The following GNB4 variants were observed in gnomAD, a reference collection of about 807,000 sequenced individuals.
The protein encoded by GNB4 is G protein subunit beta 4.
In GNB4, 28 loss-of-function variants were observed where a neutral mutation model predicts 45.2. The ratio of observed to expected loss-of-function variants is 0.62; its 90% CI spans 0.46 to 0.85. The LOEUF is 0.85. Ranked by LOEUF, GNB4 falls within the 40% of genes least tolerant of loss-of-function variation. The pLI is 0.00. For missense variants in GNB4, 321 were observed against 425.4 expected (o/e 0.75, Z 2.16); for synonymous variants, 132 against 143.7 (o/e 0.92, Z 0.58).
At chr3:179,423,784 T>TG (rs1457762178) in intron 2 of GNB4, among the ~76,000 whole-genome samples, 1 of 113,836 alleles carries the variant, frequency 8.8e-6, no homozygotes, top group Non-Finnish European at 1.8e-5. Context: ...CTCACTCTGA[T>TG]TTAAAAAAAA....
At chr3:179,416,332 T>A (rs1374871154) in intron 5 of GNB4, among the ~76,000 whole-genome samples, 161 bp downstream of exon 5, 2 of 151,878 alleles carry the variant, frequency 1.3e-5, no homozygotes, top group African/African-American at 2.4e-5. Flanking sequence ...GGGTTAAACA[T>A]TAAAAGTAAA....
chr3:179,510,132 C>CT, the GNB4 span, among the ~76,000 whole-genome samples: 34 of 148,862 alleles, frequency 2.3e-4, no homozygotes, highest in Non-Finnish European at 2.8e-4. Flanking sequence ...GCCCAGGCTT[C>CT]TTTTTTTTTT....
the GNB4 span, among the ~76,000 whole-genome samples, chr3:179,514,667 T>A: frequency 2.6e-5 from 4 of 151,772 alleles, no homozygotes; most frequent in Non-Finnish European, 4.4e-5. Context: ...ACAATAGGGG[T>A]GTGATTGGGC....
intron 1 of GNB4, among the ~76,000 whole-genome samples, chr3:179,433,060 C>G (rs1232672259): frequency 3.3e-5 from 5 of 151,998 alleles, no homozygotes; most frequent in African/African-American, 4.8e-5. Context: ...TCTGAGAAGG[C>G]AGTAAACCAA....
chr3:179,499,226 C>T, the GNB4 span, among the ~76,000 whole-genome samples: 1 of 146,594 alleles, frequency 6.8e-6, no homozygotes, highest in Non-Finnish European at 1.5e-5. Flanking sequence ...GGCGCGATCT[C>T]AGCTCACTGC....
chr3:179,516,460 T>C, the GNB4 span, among the ~76,000 whole-genome samples: 2 of 152,162 alleles, frequency 1.3e-5, no homozygotes, highest in Non-Finnish European at 2.9e-5. Flanking sequence ...GGAATGTGAA[T>C]AAAGTCAACT....
At chr3:179,512,836 C>T in the GNB4 span, among the ~76,000 whole-genome samples, 2 of 152,062 alleles carry the variant, frequency 1.3e-5, no homozygotes, top group Admixed American at 6.5e-5. Context: ...TTCAGCTTTG[C>T]GTAGATAATC....
chr3:179,436,257 G>GC (rs1343486947), intron 1 of GNB4, among the ~76,000 whole-genome samples: 2 of 152,186 alleles, frequency 1.3e-5, no homozygotes, highest in Admixed American at 1.3e-4. Context: ...AATTAGCCAG[G>GC]CGCATGCCTA....
chr3:179,447,806 T>C (rs979882887), intron 1 of GNB4, among the ~76,000 whole-genome samples: 18 of 152,178 alleles, frequency 1.2e-4, no homozygotes, highest in African/African-American at 4.1e-4. Flanking sequence ...GTTGAAGGAA[T>C]AGATTTAGAA....
the GNB4 span, among the ~76,000 whole-genome samples, chr3:179,505,398 A>G: frequency 6.6e-6 from 1 of 152,274 alleles, no homozygotes; most frequent in Non-Finnish European, 1.5e-5. Context: ...AAAAACTTTT[A>G]GATCTGCATC....
the GNB4 span, among the ~76,000 whole-genome samples, chr3:179,461,531 A>G: frequency 6.6e-6 from 1 of 151,886 alleles, no homozygotes; most frequent in Non-Finnish European, 1.5e-5. Context: ...AGGCATTAGT[A>G]TTTGGAAGGA....
chr3:179,424,494 C>T (rs1454222865), intron 2 of GNB4, among the ~76,000 whole-genome samples: 1 of 152,236 alleles, frequency 6.6e-6, no homozygotes, highest in Admixed American at 6.5e-5. Flanking sequence ...GAATTCCTGG[C>T]AATAAGTCTG....
chr3:179,507,811 C>T, the GNB4 span, among the ~76,000 whole-genome samples: 7 of 152,178 alleles, frequency 4.6e-5, no homozygotes, highest in East Asian at 5.8e-4. Flanking sequence ...TAATTATTCT[C>T]GCGTCTTCTC....
chr3:179,446,246 A>C (rs1489473276), intron 1 of GNB4, among the ~76,000 whole-genome samples: 2 of 152,088 alleles, frequency 1.3e-5, no homozygotes, highest in Non-Finnish European at 2.9e-5. Context: ...TAGGGCACTG[A>C]CTCTGGTCCT....
chr3:179,513,792 TA>T, the GNB4 span, among the ~76,000 whole-genome samples: 1 of 152,124 alleles, frequency 6.6e-6, no homozygotes, highest in South Asian at 2.1e-4. Context: ...AGGAGTGGGG[TA>T]AAAATTTTAA....
chr3:179,477,116 T>C, the GNB4 span, among the ~76,000 whole-genome samples: 3 of 152,136 alleles, frequency 2.0e-5, no homozygotes, highest in Non-Finnish European at 4.4e-5. Flanking sequence ...AGTCATTCTC[T>C]CACTGTCTTA....
chr3:179,473,839 T>G, the GNB4 span, among the ~76,000 whole-genome samples: 2 of 152,182 alleles, frequency 1.3e-5, no homozygotes, highest in African/African-American at 4.8e-5. Context: ...GGTTCAAGAG[T>G]GCAATTGTGC....
intron 6 of GNB4, 87 bp from the exon 7 acceptor site, chr3:179,413,868 A>G: frequency 1.1e-6 from 1 of 939,104 alleles, no homozygotes; most frequent in Non-Finnish European, 1.6e-6. Flanking sequence ...ATTTTTAAAA[A>G]TAGAATACTT....
At chr3:179,503,786 T>C in the GNB4 span, among the ~76,000 whole-genome samples, 2 of 152,222 alleles carry the variant, frequency 1.3e-5, no homozygotes, top group Admixed American at 6.5e-5. Context: ...ACCTACATGG[T>C]TGCATTCAAA....
Sources: allele counts gnomAD v4.1 joint callset (sites outside exome capture counted in the v4.1 genomes callset), GRCh38; gene constraint gnomAD v4.1.1; transcripts MANE v1.5; gene names NCBI Gene and HGNC (gene_info 2026-07-23, HGNC 2026-07-21).